The following ARHGAP19 variants were observed in gnomAD, a reference collection of about 807,000 sequenced individuals.
The protein encoded by ARHGAP19 is Rho GTPase activating protein 19, also known as rho GTPase-activating protein 19.
A neutral mutation model predicts 60.9 loss-of-function variants in ARHGAP19; 48 were observed. The ratio of observed to expected loss-of-function variants is 0.79; its 90% CI spans 0.62 to 1.00. The LOEUF (loss-of-function observed/expected upper bound fraction) is 1.00, where lower values mean the gene tolerates loss of function less well. Among genes scored for constraint, ARHGAP19 ranks in the 50% least tolerant of loss-of-function variants. ARHGAP19 has a pLI of 0.00. For synonymous variants in ARHGAP19, 209 were observed against 215.5 expected (o/e 0.97, Z 0.27); for missense variants, 562 against 597.2 (o/e 0.94, Z 0.61).
At chr10:97,264,980 A>C in intron 2 of ARHGAP19, 74 bp from the exon 3 acceptor site, 1 of 1,112,494 alleles carries the variant, frequency 9.0e-7, no homozygotes, top group Non-Finnish European at 1.3e-6. Context: ...AAAACCACTC[A>C]AGCATCCTAT....
intron 7 of ARHGAP19, 113 bp from the exon 8 acceptor site, chr10:97,244,272 T>C (rs1842531493): frequency 2.7e-6 from 2 of 751,668 alleles, no homozygotes; most frequent in South Asian, 2.2e-5. Context: ...TATACTCCTA[T>C]ACTCAGGAAC....
At chr10:97,239,216 C>T (rs768194844) in intron 8 of ARHGAP19, among the ~76,000 whole-genome samples, 4 of 152,172 alleles carry the variant, frequency 2.6e-5, no homozygotes, top group South Asian at 4.2e-4. Context: ...GGGAGTGGGC[C>T]GGGAGCGGTG....
intron 1 of ARHGAP19, among the ~76,000 whole-genome samples, chr10:97,291,175 G>C (rs1274575891): frequency 6.6e-6 from 1 of 152,118 alleles, no homozygotes; most frequent in African/African-American, 2.4e-5. Context: ...CCAGGCATTA[G>C]AGCCAGCAAC....
chr10:97,259,884 G>A (rs1243420180), intron 4 of ARHGAP19, among the ~76,000 whole-genome samples: 1 of 151,450 alleles, frequency 6.6e-6, no homozygotes, highest in African/African-American at 2.4e-5. Flanking sequence ...CACCCAGGCT[G>A]GAGTGCAGTT....
chr10:97,288,747 GTGATAA>G (rs1843188621), intron 1 of ARHGAP19, among the ~76,000 whole-genome samples: 1 of 150,798 alleles, frequency 6.6e-6, no homozygotes, highest in African/African-American at 2.4e-5. Context: ...CTGGGAATAT[GTGATAA>G]ATACATATGT....
chr10:97,251,044 G>GC (rs1842637771), intron 6 of ARHGAP19, among the ~76,000 whole-genome samples: 1 of 148,790 alleles, frequency 6.7e-6, no homozygotes, highest in African/African-American at 2.5e-5. Flanking sequence ...CTGGGGGGCA[G>GC]AGTGAGACCC....
At chr10:97,274,045 C>T (rs1010860601) in intron 1 of ARHGAP19, among the ~76,000 whole-genome samples, 6 of 151,802 alleles carry the variant, frequency 4.0e-5, no homozygotes, top group South Asian at 4.2e-4. Context: ...TAAAAATAAA[C>T]GAAACTAGTA....
intron 6 of ARHGAP19, among the ~76,000 whole-genome samples, chr10:97,251,399 G>T: frequency 2.2e-5 from 1 of 46,062 alleles, no homozygotes. Flanking sequence ...GAAGGGAAGG[G>T]GAAGGGAAGG....
intron 1 of ARHGAP19, among the ~76,000 whole-genome samples, chr10:97,287,229 G>A (rs1843167399): frequency 6.6e-6 from 1 of 152,112 alleles, no homozygotes; most frequent in Admixed American, 6.6e-5. Flanking sequence ...GGGATTACAG[G>A]CGTGAGCCAC....
At chr10:97,267,867 T>C (rs1731155140) in intron 1 of ARHGAP19, among the ~76,000 whole-genome samples, 1 of 152,252 alleles carries the variant, frequency 6.6e-6, no homozygotes, top group Admixed American at 6.5e-5. Context: ...ACATCATTTT[T>C]CCTTGTACGC....
At chr10:97,286,815 G>A (rs1843162230) in intron 1 of ARHGAP19, among the ~76,000 whole-genome samples, 1 of 152,128 alleles carries the variant, frequency 6.6e-6, no homozygotes, top group Non-Finnish European at 1.5e-5. Context: ...ACTAAGCTGT[G>A]CGTATTTCCC....
chr10:97,280,244 T>C (rs1356107016), intron 1 of ARHGAP19, among the ~76,000 whole-genome samples: 1 of 151,878 alleles, frequency 6.6e-6, no homozygotes, highest in Admixed American at 6.6e-5. Flanking sequence ...CCATCTCTAC[T>C]AAAAATACAA....
intron 1 of ARHGAP19, chr10:97,270,489 A>T (rs1268004254): frequency 2.9e-6 from 2 of 682,162 alleles, no homozygotes; most frequent in African/African-American, 3.6e-5. Context: ...AGAACTTAAG[A>T]AATGTATAGG....
chr10:97,247,125 G>A (rs1287199821), intron 6 of ARHGAP19, among the ~76,000 whole-genome samples: 4 of 149,740 alleles, frequency 2.7e-5, no homozygotes, highest in Admixed American at 6.7e-5. Context: ...CAACAAGAGC[G>A]AAACTCCATC....
chr10:97,261,186 T>C (rs1465882533), intron 4 of ARHGAP19, among the ~76,000 whole-genome samples: 1 of 152,212 alleles, frequency 6.6e-6, no homozygotes, highest in Non-Finnish European at 1.5e-5. Flanking sequence ...CAAAGGACAC[T>C]AATAACCATT....
chr10:97,264,633 G>A (rs1017636945), intron 3 of ARHGAP19, among the ~76,000 whole-genome samples, 193 bp downstream of exon 3: 4 of 152,102 alleles, frequency 2.6e-5, no homozygotes, highest in Non-Finnish European at 5.9e-5. Flanking sequence ...TACACTTTGA[G>A]AGTATAAAAC....
At chr10:97,226,625 A>G (rs12244658) in intron 11 of ARHGAP19, among the ~76,000 whole-genome samples, 4,641 of 152,318 alleles carry the variant, frequency 0.03, 227 homozygotes, top group African/African-American at 0.1. Context: ...ATTTTTCGGA[A>G]GATGAGAAGA....
At chr10:97,250,397 T>C (rs1228378282) in intron 6 of ARHGAP19, among the ~76,000 whole-genome samples, 2 of 151,916 alleles carry the variant, frequency 1.3e-5, no homozygotes, top group Non-Finnish European at 2.9e-5. Context: ...TTTCTTTTTT[T>C]TTTTTTGAGA....
At chr10:97,244,327 A>G (rs1371088908) in intron 7 of ARHGAP19, among the ~76,000 whole-genome samples, 168 bp from the exon 8 acceptor site, 1 of 152,142 alleles carries the variant, frequency 6.6e-6, no homozygotes, top group African/African-American at 2.4e-5. Context: ...GAACCTATTA[A>G]TATAGGTTAT....
Sources: gnomAD v4.1 joint callset for allele counts (sites outside exome capture counted in the v4.1 genomes callset) on GRCh38, gnomAD v4.1.1 for gene constraint, MANE v1.5 for transcripts, NCBI Gene and HGNC (gene_info 2026-07-23, HGNC 2026-07-21) for gene names.